DLC1: variants seen among roughly 807,000 people sequenced by gnomAD.
DLC1 encodes the protein rho GTPase-activating protein 7.
Under a neutral mutation model 140.3 loss-of-function variants are expected in DLC1, and 54 were observed. That is an observed-to-expected ratio of 0.38 (90% CI 0.31 to 0.48). DLC1 has a LOEUF of 0.48. DLC1 is among the 20% of genes least tolerant of loss of function. DLC1 has a pLI of 0.96. For missense variants in DLC1, 2,536 were observed against 1,907.0 expected (o/e 1.33, Z -6.14); for synonymous variants, 986 against 728.1 (o/e 1.35, Z -5.70).
At chr8:13,154,495 G>A (rs949027231) in intron 5 of DLC1, among the ~76,000 whole-genome samples, 7 of 152,164 alleles carry the variant, frequency 4.6e-5, no homozygotes, top group Admixed American at 2.0e-4. Flanking sequence ...CTCCGAGTGC[G>A]GGGCCTGCCG....
At chr8:13,101,230 T>A (rs558033003) in intron 8 of DLC1, among the ~76,000 whole-genome samples, 2 of 152,296 alleles carry the variant, frequency 1.3e-5, no homozygotes, top group Admixed American at 6.5e-5. Flanking sequence ...GTTCTTTAAA[T>A]AACAAAGATG....
chr8:13,430,704 T>G (rs548468429), intron 2 of DLC1, among the ~76,000 whole-genome samples: 10 of 152,320 alleles, frequency 6.6e-5, no homozygotes, highest in African/African-American at 2.4e-4. Flanking sequence ...TTTAAAAATC[T>G]AGACAATGGG....
Position 13,251,037 on chromosome 8 carries a change from G to C in DLC1, c.1348+54232C>G, listed in dbSNP as rs73665907. On this transcript the variant is annotated intron_variant, in intron 5 of 17. Coordinates refer to ENST00000276297, the MANE Select transcript of DLC1 (RefSeq NM_182643.3). ...GCTGGACTTGAAAGTCCAAGATCAA[G>C]GTACCCTGAAGGTTGGTATCTGGTG... Among the ~76,000 whole-genome samples the C allele has an allele frequency of 4.4e-3, 667 of 152,272 alleles. 9 individuals are homozygous for C. Among genetic ancestry groups the C allele is most frequent in the African/African-American group, 0.014 (593 of 41,536 alleles).
chr8:13,397,915 G>A (rs1385745274), intron 3 of DLC1, among the ~76,000 whole-genome samples: 5 of 152,020 alleles, frequency 3.3e-5, no homozygotes, highest in African/African-American at 9.7e-5. Flanking sequence ...AGCAGATCAC[G>A]AGGTGAGGAG....
intron 1 of DLC1, chr8:13,558,454 T>C (rs777687134): frequency 3.3e-5 from 5 of 152,172 alleles, no homozygotes; most frequent in Non-Finnish European, 5.9e-5. Context: ...AGAATGTGGT[T>C]CATAATTTTT....
intron 4 of DLC1, among the ~76,000 whole-genome samples, chr8:13,326,637 G>A (rs1373321294): frequency 6.6e-6 from 1 of 152,112 alleles, no homozygotes; most frequent in Non-Finnish European, 1.5e-5. Flanking sequence ...GTAAACCTGG[G>A]ACTCCTAGGT....
At chr8:13,323,989 C>T (rs1615588) in intron 4 of DLC1, among the ~76,000 whole-genome samples, 129,700 of 152,146 alleles carry the variant, frequency 0.85, 55,744 homozygotes, top group East Asian at 0.95. Context: ...GTCCTTAATG[C>T]CCTGGCTGAA....
At chr8:13,090,491 A>G (rs762777126) in intron 14 of DLC1, 21 bp from the exon 15 acceptor site, 1 of 1,612,298 alleles carries the variant, frequency 6.2e-7, no homozygotes, top group South Asian at 1.1e-5. Context: ...CATGACAGAC[A>G]GAAAGGAGGT....
intron 1 of DLC1, among the ~76,000 whole-genome samples, chr8:13,552,070 CCTCTTT>C (rs1264094281): frequency 8.1e-5 from 6 of 73,864 alleles, no homozygotes; most frequent in Admixed American, 3.1e-4. Context: ...TATATATATA[CCTCTTT>C]CTCTCTATAT....
chr8:13,132,678 C>A (rs1822210723), intron 5 of DLC1, among the ~76,000 whole-genome samples: 2 of 152,160 alleles, frequency 1.3e-5, no homozygotes, highest in African/African-American at 4.8e-5. Flanking sequence ...GCGACCGATC[C>A]GGAGCCCGCC....
chr8:13,213,844 C>T (rs1828062365), intron 5 of DLC1, among the ~76,000 whole-genome samples: 2 of 151,078 alleles, frequency 1.3e-5, no homozygotes, highest in East Asian at 1.9e-4. Flanking sequence ...AGTGCAGTGG[C>T]GTGATCTCAG....
chr8:13,201,478 G>C (rs1227583382), intron 5 of DLC1, among the ~76,000 whole-genome samples: 4 of 152,166 alleles, frequency 2.6e-5, no homozygotes, highest in Non-Finnish European at 5.9e-5. Flanking sequence ...ATAAATTTAA[G>C]AAGGCAGTAT....
intron 2 of DLC1, among the ~76,000 whole-genome samples, chr8:13,449,933 A>C (rs551175475): frequency 6.6e-6 from 1 of 152,216 alleles, no homozygotes; most frequent in South Asian, 2.1e-4. Flanking sequence ...CTAATTGAGG[A>C]AAATTTTCAA....
intron 4 of DLC1, among the ~76,000 whole-genome samples, chr8:13,317,052 C>T (rs888911540): frequency 6.6e-6 from 1 of 152,062 alleles, no homozygotes; most frequent in Non-Finnish European, 1.5e-5. Context: ...TCTTACAAAT[C>T]ATTTATGTAC....
intron 1 of DLC1, among the ~76,000 whole-genome samples, chr8:13,563,501 C>T (rs1294234458): frequency 6.6e-6 from 1 of 152,126 alleles, no homozygotes; most frequent in African/African-American, 2.4e-5. Context: ...AGAATCAGCT[C>T]CTCACAGCGA....
chr8:13,401,384 C>A, intron 3 of DLC1, 86 bp downstream of exon 3: 10 of 1,513,234 alleles, frequency 6.6e-6, no homozygotes, highest in Non-Finnish European at 8.9e-6. Flanking sequence ...ATGCCATTAA[C>A]AAGGATGTTG....
At chr8:13,387,780 C>T (rs1232344627) in intron 4 of DLC1, among the ~76,000 whole-genome samples, 1 of 151,954 alleles carries the variant, frequency 6.6e-6, no homozygotes, top group East Asian at 1.9e-4. Context: ...AAAGGTAATA[C>T]CGTGCAATGA....
intron 4 of DLC1, among the ~76,000 whole-genome samples, chr8:13,328,149 C>A (rs979265017): frequency 6.6e-6 from 1 of 152,014 alleles, no homozygotes; most frequent in African/African-American, 2.4e-5. Context: ...CACTGAGCAC[C>A]TATACGTGGG....
intron 4 of DLC1, among the ~76,000 whole-genome samples, chr8:13,372,759 G>GT (rs1563293075): frequency 6.6e-5 from 10 of 152,088 alleles, no homozygotes; most frequent in Admixed American, 2.0e-4. Flanking sequence ...ATTTTCTTTA[G>GT]CACAAGAGTT....
Sources: gnomAD v4.1 joint callset for allele counts (sites outside exome capture counted in the v4.1 genomes callset) on GRCh38, gnomAD v4.1.1 for gene constraint, MANE v1.5 for transcripts, NCBI Gene and HGNC (gene_info 2026-07-23, HGNC 2026-07-21) for gene names.